Variants in PTPRD observed in about 807,000 individuals in gnomAD.
PTPRD encodes receptor-type tyrosine-protein phosphatase delta.
In PTPRD, 34 loss-of-function variants were observed where a neutral mutation model predicts 214.5. The ratio of observed to expected loss-of-function variants is 0.16; its 90% CI spans 0.12 to 0.21. The LOEUF is 0.21. PTPRD is among the 10% of genes least tolerant of loss of function. The pLI is 1.00. For missense variants in PTPRD, 2,545 were observed against 2,398.7 expected (o/e 1.06, Z -1.27); for synonymous variants, 1,128 against 845.7 (o/e 1.33, Z -5.79).
chr9:9,840,100 T>C, intron 5 of PTPRD, among the ~76,000 whole-genome samples: 1 of 152,070 alleles, frequency 6.6e-6, no homozygotes. Context: ...TGCAGTGGTG[T>C]GATCTCAGCT....
At chr9:9,555,515 C>A (rs2081305442) in intron 8 of PTPRD, among the ~76,000 whole-genome samples, 1 of 152,048 alleles carries the variant, frequency 6.6e-6, no homozygotes. Context: ...TATACACATG[C>A]ACATAATTAC....
intron 11 of PTPRD, among the ~76,000 whole-genome samples, chr9:8,775,562 A>G (rs1423808895): frequency 1.5e-5 from 2 of 133,592 alleles, no homozygotes; most frequent in African/African-American, 5.7e-5. Flanking sequence ...TGTACTTTCT[A>G]TTATCTCAAA....
intron 14 of PTPRD, among the ~76,000 whole-genome samples, chr9:8,611,841 G>A (rs1036382389): frequency 6.9e-6 from 1 of 144,556 alleles, no homozygotes; most frequent in Non-Finnish European, 1.5e-5. Flanking sequence ...AGGAAAGAGA[G>A]CAGGAATAGC....
chr9:8,685,654 G>C (rs2097664895), intron 12 of PTPRD, among the ~76,000 whole-genome samples: 1 of 152,120 alleles, frequency 6.6e-6, no homozygotes, highest in Non-Finnish European at 1.5e-5. Context: ...TGAATAAATA[G>C]TGTACCAAAC....
chr9:9,250,213 G>A (rs2099974898), intron 9 of PTPRD, among the ~76,000 whole-genome samples: 3 of 152,044 alleles, frequency 2.0e-5, no homozygotes, highest in Non-Finnish European at 2.9e-5. Flanking sequence ...CTGAGCATGA[G>A]CATGTGTAGC....
At chr9:8,968,713 T>C (rs921331622) in intron 11 of PTPRD, among the ~76,000 whole-genome samples, 3 of 152,108 alleles carry the variant, frequency 2.0e-5, no homozygotes, top group Admixed American at 6.6e-5. Context: ...ATCCAAATAG[T>C]GTGATTTCAG....
chr9:9,331,010 T>A (rs1354734938), intron 9 of PTPRD, among the ~76,000 whole-genome samples: 1 of 151,840 alleles, frequency 6.6e-6, no homozygotes, highest in African/African-American at 2.4e-5. Flanking sequence ...GGTCATTTGG[T>A]TGCATGGAAT....
intron 3 of PTPRD, among the ~76,000 whole-genome samples, chr9:10,239,309 G>A (rs2382198): frequency 0.51 from 76,595 of 151,574 alleles, 21,206 homozygotes; most frequent in Non-Finnish European, 0.63. Flanking sequence ...ATGTGATAAA[G>A]TAAATCTGTA....
At chr9:9,087,702 G>T (rs998678965) in intron 10 of PTPRD, among the ~76,000 whole-genome samples, 1 of 151,922 alleles carries the variant, frequency 6.6e-6, no homozygotes, top group African/African-American at 2.4e-5. Context: ...GAAAGTCAAG[G>T]CTCAGGGAGC....
intron 3 of PTPRD, among the ~76,000 whole-genome samples, chr9:10,090,833 T>A (rs1433997318): frequency 6.7e-6 from 1 of 148,742 alleles, no homozygotes; most frequent in Non-Finnish European, 1.5e-5. Flanking sequence ...AATATTAGTG[T>A]ATCAATCACC....
intron 4 of PTPRD, among the ~76,000 whole-genome samples, chr9:9,988,802 G>T (rs1483986032): frequency 6.6e-6 from 1 of 151,656 alleles, no homozygotes; most frequent in East Asian, 1.9e-4. Flanking sequence ...CTAAAAGGAA[G>T]GCTTTTATTT....
intron 3 of PTPRD, among the ~76,000 whole-genome samples, chr9:10,080,993 C>T (rs911326970): frequency 1.3e-5 from 2 of 151,990 alleles, no homozygotes; most frequent in Non-Finnish European, 2.9e-5. Context: ...ACTGTAGGTA[C>T]ATCATTTGAG....
chr9:8,839,554 ACCTCAAGTGAT>A (rs1392446894), intron 11 of PTPRD, among the ~76,000 whole-genome samples: 1 of 152,060 alleles, frequency 6.6e-6, no homozygotes, highest in Non-Finnish European at 1.5e-5. Flanking sequence ...CGAATTCCTG[ACCTCAAGTGAT>A]CCACCCACCT....
chr9:8,983,122 GTTATTTAACA>G (rs2099321994), intron 11 of PTPRD, among the ~76,000 whole-genome samples: 1 of 151,618 alleles, frequency 6.6e-6, no homozygotes, highest in South Asian at 2.1e-4. Flanking sequence ...TTCATCATGA[GTTATTTAACA>G]TTTTAGTGGC....
In PTPRD at chr9:8,476,060, C is replaced by A. The variant is rs147571314; in HGVS notation, c.3414-4975G>T. 1.4e-4 allele frequency among the ~76,000 whole-genome samples: 22 copies of A among 152,324 alleles called. No individual in the cohort carries two copies. In the East Asian group the frequency reaches 4.1e-3, roughly 28 times the overall value. On this transcript the variant is annotated intron_variant, in intron 30 of 45. Transcript: ENST00000381196. Reference sequence around the variant, plus strand: ...GCCTGAATCCCTCTGACTGTGCCCTCTCAGCTACAGCTTGATAGGCTTTCA... The same window carrying A: ...GCCTGAATCCCTCTGACTGTGCCCTATCAGCTACAGCTTGATAGGCTTTCA...
chr9:8,694,516 A>G (rs1432719836), intron 12 of PTPRD, among the ~76,000 whole-genome samples: 1 of 152,210 alleles, frequency 6.6e-6, no homozygotes, highest in Non-Finnish European at 1.5e-5. Flanking sequence ...TGTATAAGAA[A>G]AATATGTTTA....
At chr9:9,056,789 C>T (rs759822343) in intron 10 of PTPRD, among the ~76,000 whole-genome samples, 8 of 152,144 alleles carry the variant, frequency 5.3e-5, no homozygotes, top group Non-Finnish European at 7.4e-5. Context: ...TATTATTTGG[C>T]ACGGAAAATA....
intron 3 of PTPRD, among the ~76,000 whole-genome samples, chr9:10,259,683 T>C (rs975445778): frequency 2.0e-5 from 3 of 152,192 alleles, no homozygotes; most frequent in African/African-American, 7.2e-5. Context: ...AAAAAGTGGG[T>C]ATCAACTTTA....
intron 8 of PTPRD, among the ~76,000 whole-genome samples, chr9:9,462,750 T>C (rs1190903177): frequency 2.6e-5 from 4 of 152,132 alleles, no homozygotes; most frequent in African/African-American, 9.7e-5. Context: ...ATGACAGTGC[T>C]CACACTTCGG....
Sources: gnomAD v4.1 joint callset for allele counts (sites outside exome capture counted in the v4.1 genomes callset) on GRCh38, gnomAD v4.1.1 for gene constraint, MANE v1.5 for transcripts, NCBI Gene and HGNC (gene_info 2026-07-23, HGNC 2026-07-21) for gene names.